ABLIM1: variants seen among roughly 807,000 people sequenced by gnomAD.
ABLIM1 encodes the protein actin binding LIM protein 1, also known as actin-binding LIM protein 1.
A neutral mutation model predicts 107.0 loss-of-function variants in ABLIM1; 40 were observed. The observed-to-expected ratio is 0.37, with a 90% CI of 0.29 to 0.49. The LOEUF (loss-of-function observed/expected upper bound fraction) is 0.49, where lower values mean the gene tolerates loss of function less well. ABLIM1 is among the 20% of genes least tolerant of loss of function. The pLI, the probability that ABLIM1 is intolerant of heterozygous loss-of-function variation, is 0.97. For missense variants in ABLIM1, 857 were observed against 1,008.5 expected (o/e 0.85, Z 2.04); for synonymous variants, 357 against 357.3 (o/e 1.00, Z 0.01).
intron 1 of ABLIM1, among the ~76,000 whole-genome samples, chr10:114,725,994 C>T (rs536029336): frequency 3.9e-5 from 6 of 152,088 alleles, no homozygotes; most frequent in South Asian, 2.1e-4. Context: ...GTGATCTTCC[C>T]GCTTTTGCCT....
chr10:114,747,317 C>G (rs1482518986), intron 1 of ABLIM1, among the ~76,000 whole-genome samples: 3 of 152,194 alleles, frequency 2.0e-5, no homozygotes, highest in Non-Finnish European at 4.4e-5. Flanking sequence ...CTCCACAGAC[C>G]ACGGGGACAT....
rs546682811 is a variant in ABLIM1 at position 114,601,233 on chromosome 10, C to T, written c.379+594G>A. Among the ~76,000 whole-genome samples the T allele has an allele frequency of 2.6e-5, 4 of 151,746 alleles. No homozygotes were observed. The East Asian group carries it at 7.7e-4, about 29-fold the overall frequency. On this transcript the variant is annotated intron_variant, in intron 2 of 22. Coordinates refer to ENST00000533213, the MANE Select transcript of ABLIM1 (RefSeq NM_002313.7). ...AGAAAAAGAAAAAATAAGGCAAAAA[C>T]CACAGAACTGTATTTTTACTGCTCT...
intron 3 of ABLIM1, 85 bp downstream of exon 3, chr10:114,575,331 G>T: frequency 6.2e-6 from 9 of 1,456,300 alleles, no homozygotes; most frequent in Non-Finnish European, 8.5e-6. Flanking sequence ...CAAGACAAAA[G>T]GTGTATAATC....
intron 6 of ABLIM1, among the ~76,000 whole-genome samples, chr10:114,525,826 T>C (rs1352824545): frequency 6.6e-6 from 1 of 152,184 alleles, no homozygotes; most frequent in African/African-American, 2.4e-5. Context: ...ATGGCCAAAC[T>C]CACGTTTTCT....
intron 1 of ABLIM1, among the ~76,000 whole-genome samples, chr10:114,744,872 G>C (rs1043986886): frequency 6.6e-6 from 1 of 151,676 alleles, no homozygotes; most frequent in Non-Finnish European, 1.5e-5. Context: ...ATAAGGACTC[G>C]GGTGTCCAGT....
At chr10:114,639,017 AT>A (rs957781368) in intron 1 of ABLIM1, among the ~76,000 whole-genome samples, 3 of 152,132 alleles carry the variant, frequency 2.0e-5, no homozygotes, top group Non-Finnish European at 2.9e-5. Flanking sequence ...ATTAAAAACA[AT>A]TTTTTTGCAA....
At chr10:114,799,890 C>A in the ABLIM1 span, among the ~76,000 whole-genome samples, 4 of 152,204 alleles carry the variant, frequency 2.6e-5, no homozygotes, top group Admixed American at 1.3e-4. Context: ...ATTCTCCAGG[C>A]TCAGCCTCCT....
chr10:114,526,610 T>C, intron 6 of ABLIM1: 1 of 985,418 alleles, frequency 1.0e-6, no homozygotes, highest in South Asian at 4.7e-5. Flanking sequence ...ATCTCACATC[T>C]GCCACGCAAA....
chr10:114,431,998 A>G lies in ABLIM1; in HGVS notation c.*4262T>C, dbSNP rs1449473622. ...TAAACAGTGATTAAAAAAAAATGCC[A>G]AAGTGAAGGTTTCTCTTTCTTCTAT... is the stretch of plus-strand genomic sequence containing the variant. On this transcript the variant is annotated 3_prime_UTR_variant, in exon 23 of 23. Coordinates refer to ENST00000533213, the MANE Select transcript of ABLIM1 (RefSeq NM_002313.7). The G allele has an allele frequency of 1.3e-5, 2 of 152,242 alleles. No individual in the cohort carries two copies. The highest frequency in any genetic ancestry group is 2.1e-4 in the South Asian group (1 of 4,830). The allele number at this position is 152,242 out of a possible 1,614,324, so 9.4% of individuals were successfully genotyped here.
rs544185023 is a variant in ABLIM1 at position 114,731,442 on chromosome 10, ATGTTTGTTTGTTTGTT to A, written c.-213+36603_-213+36618del. 1.2e-4 allele frequency among the ~76,000 whole-genome samples: 17 copies of A among 144,184 alleles called. No individual in the cohort carries two copies. The East Asian group carries it at 3.7e-3, about 31-fold the overall frequency. 94.6% of individuals were successfully genotyped at this position (144,184 alleles called of 152,430 possible). A position where few individuals can be genotyped will look rare whatever the true frequency, so the allele number is the denominator to read the frequency against. On this transcript the variant is annotated intron_variant, in intron 1 of 15. Transcript: ENST00000651092. ...TGGGCATGAGCCACCATGCCTAGAC[ATGTTTGTTTGTTTGTT>A]TGTTTGTTTGTTCATTTTTTGGAGA...
Position 114,756,165 on chromosome 10 carries a change from C to T in ABLIM1, c.-213+11896G>A, listed in dbSNP as rs372194501. Among the ~76,000 whole-genome samples the T allele has an allele frequency of 7.2e-5, 11 of 152,044 alleles. No homozygotes were observed. In the East Asian group the frequency reaches 1.4e-3, roughly 19 times the overall value. On this transcript the variant is annotated intron_variant, in intron 1 of 15. Coordinates refer to the ABLIM1 transcript ENST00000651092. ...TTTTCTAAATAGTTAGCTAGTTGCT[C>T]CAACATCGATTACTGGGGATCTTTC...
intron 1 of ABLIM1, among the ~76,000 whole-genome samples, chr10:114,634,379 G>A (rs1167464201): frequency 6.6e-6 from 1 of 151,446 alleles, no homozygotes; most frequent in African/African-American, 2.4e-5. Context: ...TGATCCGCCC[G>A]CCTCGGCCTC....
intron 1 of ABLIM1, among the ~76,000 whole-genome samples, chr10:114,741,054 A>G (rs2082276970): frequency 6.6e-6 from 1 of 151,472 alleles, no homozygotes; most frequent in African/African-American, 2.4e-5. Context: ...AGAATAAAGA[A>G]ATAATAAAAA....
At chr10:114,760,688 A>C (rs1278542152) in intron 1 of ABLIM1, among the ~76,000 whole-genome samples, 1 of 152,210 alleles carries the variant, frequency 6.6e-6, no homozygotes, top group Non-Finnish European at 1.5e-5. Flanking sequence ...ACAAGTTCCC[A>C]AAAATTAAAA....
At chr10:114,640,134 G>A (rs2078671984) in intron 1 of ABLIM1, among the ~76,000 whole-genome samples, 1 of 152,196 alleles carries the variant, frequency 6.6e-6, no homozygotes, top group Non-Finnish European at 1.5e-5. Flanking sequence ...GGGAAAGACA[G>A]GGCAACTAGC....
chr10:114,597,019 C>T (rs767292033), intron 2 of ABLIM1, among the ~76,000 whole-genome samples: 2 of 152,168 alleles, frequency 1.3e-5, no homozygotes, highest in Non-Finnish European at 2.9e-5. Flanking sequence ...AATGTGCCTC[C>T]TGTGCACTCA....
At chr10:114,786,750 G>A in the ABLIM1 span, among the ~76,000 whole-genome samples, 45 of 152,310 alleles carry the variant, frequency 3.0e-4, no homozygotes, top group East Asian at 8.3e-3. Flanking sequence ...GCCAGCCTCC[G>A]CCTCCCGAGG....
chr10:114,730,372 T>G (rs896236922), intron 1 of ABLIM1, among the ~76,000 whole-genome samples: 3 of 135,114 alleles, frequency 2.2e-5, no homozygotes, highest in African/African-American at 8.6e-5. Flanking sequence ...CACTCCAGTC[T>G]GGTCAACAGT....
Position 114,603,720 on chromosome 10 carries a change from G to A in ABLIM1, c.245-1759C>T, listed in dbSNP as rs182429550. On this transcript the variant is annotated intron_variant, in intron 1 of 22. Coordinates refer to ENST00000533213, the MANE Select transcript of ABLIM1 (RefSeq NM_002313.7). ...TGTAATCCCAGCACTTTGGGAAGCCGAGGTGGGCGGATCACCTGAGGTCAG... is the reference window on the plus strand; with the variant it reads ...TGTAATCCCAGCACTTTGGGAAGCCAAGGTGGGCGGATCACCTGAGGTCAG... Among the ~76,000 whole-genome samples the A allele has an allele frequency of 1.6e-3, 240 of 151,710 alleles. 1 individual carries two copies. The highest frequency in any genetic ancestry group is 5.5e-3 in the African/African-American group (228 of 41,368).
Sources: allele counts gnomAD v4.1 joint callset (sites outside exome capture counted in the v4.1 genomes callset), GRCh38; gene constraint gnomAD v4.1.1; transcripts MANE v1.5; gene names NCBI Gene and HGNC (gene_info 2026-07-23, HGNC 2026-07-21).